Variants in ZNF516 observed in about 807,000 individuals in gnomAD.
ZNF516 encodes zinc finger protein 516.
Under a neutral mutation model 79.7 loss-of-function variants are expected in ZNF516, and 19 were observed. That is an observed-to-expected ratio of 0.24 (90% CI 0.17 to 0.35). The LOEUF (loss-of-function observed/expected upper bound fraction) is 0.35, where lower values mean the gene tolerates loss of function less well. ZNF516 is among the 10% of genes least tolerant of loss of function. The pLI is 1.00. For missense variants in ZNF516, 1,678 were observed against 1,679.5 expected (o/e 1.00, Z 0.02); for synonymous variants, 877 against 739.5 (o/e 1.19, Z -3.02).
In ZNF516 at chr18:76,473,485, G is replaced by A. The variant is rs925402424; in HGVS notation, c.-271-10344C>T. On this transcript the variant is annotated intron_variant, in intron 1 of 6. Coordinates refer to ENST00000443185, the MANE Select transcript of ZNF516 (RefSeq NM_014643.4). ...AAAAATATACCATTAAAAGTTTAAT[G>A]TGTGGTCAAAAAAGGCAATTAAACA... 4.6e-5 allele frequency among the ~76,000 whole-genome samples: 7 copies of A among 152,080 alleles called. No individual in the cohort carries two copies. In the South Asian group the frequency reaches 1.2e-3, roughly 27 times the overall value.
At position 76,424,303 on chromosome 18, in the gene ZNF516, T is replaced by C. The variant is rs689792; in HGVS notation, c.1810+16942A>G. 5.3e-3 allele frequency among the ~76,000 whole-genome samples: 83 copies of C among 15,668 alleles called. 23 individuals are homozygous for C. The highest frequency in any genetic ancestry group is 4.6e-3 in the Non-Finnish European group (40 of 8,718). The allele number at this position is 15,668 out of a possible 152,430, so 10.3% of individuals were successfully genotyped here. A position where few individuals can be genotyped will look rare whatever the true frequency, so the allele number is the denominator to read the frequency against. ...GGTGAAAAGGCTCCCCCGAAACACATGCAGGTGAAAAGGCTCCCCCGAAAC... is the reference window on the plus strand; with the variant it reads ...GGTGAAAAGGCTCCCCCGAAACACACGCAGGTGAAAAGGCTCCCCCGAAAC... On this transcript the variant is annotated intron_variant, in intron 3 of 6. Transcript: ENST00000443185.
At chr18:76,495,748 A>G (rs931323755), upstream of ZNF516, 1 of 1,169,600 alleles carries the variant, frequency 8.5e-7, no homozygotes, top group East Asian at 8.8e-5. Context: ...ACTGCGCCCC[A>G]TCTGGACTGA....
Position 76,480,529 on chromosome 18 carries a change from A to ATTTT in ZNF516, c.-272+14611_-272+14614dup, listed in dbSNP as rs1555720250. ...CACACACACACACACACACACATATATTTTTTTTTTTGAGACGGAGTCTTG... is the reference window on the plus strand; with the variant it reads ...CACACACACACACACACACACATATATTTTTTTTTTTTTTTGAGACGGAGTCTTG... On this transcript the variant is annotated intron_variant, in intron 1 of 6. Coordinates refer to ENST00000443185, the MANE Select transcript of ZNF516 (RefSeq NM_014643.4). Among the ~76,000 whole-genome samples the ATTTT allele has an allele frequency of 4.6e-4, 66 of 142,082 alleles. 1 individual carries two copies. Among genetic ancestry groups the ATTTT allele is most frequent in the African/African-American group, 1.7e-3 (65 of 38,138 alleles). The allele number at this position is 142,082 out of a possible 152,430, so 93.2% of individuals were successfully genotyped here.
intron 3 of ZNF516, among the ~76,000 whole-genome samples, chr18:76,391,291 C>A (rs899397870): frequency 6.6e-6 from 1 of 152,062 alleles, no homozygotes; most frequent in African/African-American, 2.4e-5. Context: ...AGCACAAACC[C>A]TAGCCATAGC....
At chr18:76,372,003 A>G (rs2144949746) in intron 4 of ZNF516, among the ~76,000 whole-genome samples, 1 of 152,254 alleles carries the variant, frequency 6.6e-6, no homozygotes, top group East Asian at 1.9e-4. Context: ...CCCGGCCGCG[A>G]TCCTGGGAGA....
chr18:76,485,681 A>G (rs889477455), intron 1 of ZNF516, among the ~76,000 whole-genome samples: 2 of 152,164 alleles, frequency 1.3e-5, no homozygotes, highest in African/African-American at 4.8e-5. Context: ...TTCCTGCAAC[A>G]TGGCATAAGA....
At position 76,371,479 on chromosome 18, in the gene ZNF516, G is replaced by A. The variant is rs374264106; in HGVS notation, c.3352C>T (p.Arg1118Trp). The A allele has an allele frequency of 9.3e-6, 15 of 1,607,548 alleles. No homozygotes were observed. The highest frequency in any genetic ancestry group is 1.7e-4 in the Middle Eastern group (1 of 6,060). ...HQPGHLRAHM[R>W]AHSVVFESDG... is the part of the protein sequence containing the mutation. Reference sequence around the variant, plus strand: ...GGGAGGGCGATACCTGAGTGTGCCCGCATGTGGGCCCTGAGGTGGCCGGGC... The same window carrying A: ...GGGAGGGCGATACCTGAGTGTGCCCACATGTGGGCCCTGAGGTGGCCGGGC... Residue 1118 changes from arginine (R) to tryptophan (W), a missense_variant, in exon 5 of 7, where the codon CGG becomes TGG. Arg to Trp is a moderately radical substitution (Grantham distance 101). Around this residue, in one of 5 missense-constraint regions of ZNF516, gnomAD observed 1,294 missense variants for 1,248.3 expected, o/e 1.04. Coordinates refer to ENST00000443185, the MANE Select transcript of ZNF516 (RefSeq NM_014643.4).
At chr18:76,362,837 A>T (rs2074558534) in intron 6 of ZNF516, among the ~76,000 whole-genome samples, 1 of 152,230 alleles carries the variant, frequency 6.6e-6, no homozygotes, top group African/African-American at 2.4e-5. Context: ...AGGCTTCTCT[A>T]ATGGTTTCAC....
intron 3 of ZNF516, among the ~76,000 whole-genome samples, chr18:76,425,674 G>A (rs2075583133): frequency 6.6e-6 from 1 of 152,220 alleles, no homozygotes. Flanking sequence ...ATGACCTAAT[G>A]CCCCGTGGTC....
chr18:76,433,413 G>A (rs1208841488), intron 3 of ZNF516, among the ~76,000 whole-genome samples: 1 of 152,236 alleles, frequency 6.6e-6, no homozygotes, highest in African/African-American at 2.4e-5. Flanking sequence ...GAGGATGCCT[G>A]ACGCAAGGCG....
chr18:76,495,122 T>TC (rs979303662), intron 1 of ZNF516, 22 bp downstream of exon 1: 2 of 143,790 alleles, frequency 1.4e-5, no homozygotes, highest in Non-Finnish European at 3.1e-5. Context: ...GGCGCAGCCC[T>TC]CCCCCCGCCC....
intron 3 of ZNF516, among the ~76,000 whole-genome samples, chr18:76,418,179 C>T (rs1199975410): frequency 3.3e-5 from 5 of 151,648 alleles, no homozygotes; most frequent in Non-Finnish European, 5.9e-5. Context: ...ACACACGCTG[C>T]AACACATGCT....
intron 1 of ZNF516, among the ~76,000 whole-genome samples, chr18:76,466,138 T>C (rs1179493612): frequency 6.6e-6 from 1 of 152,158 alleles, no homozygotes; most frequent in Non-Finnish European, 1.5e-5. Flanking sequence ...CTGGAAACCA[T>C]CACGTTCCCT....
intron 1 of ZNF516, among the ~76,000 whole-genome samples, chr18:76,488,691 C>T (rs1277905253): frequency 6.6e-6 from 1 of 152,154 alleles, no homozygotes; most frequent in African/African-American, 2.4e-5. Flanking sequence ...ATTTATAATG[C>T]AGATACCTAA....
chr18:76,459,353 CATT>C lies in ZNF516; in HGVS notation c.-158+3672_-158+3674del, dbSNP rs1320534251. On this transcript the variant is annotated intron_variant, in intron 2 of 6. Coordinates refer to ENST00000443185, the MANE Select transcript of ZNF516 (RefSeq NM_014643.4). This position sits in a 1 kb window ranked among gnomAD's most constrained non-coding sequence, Gnocchi z 5.0. ...CCCGTGGCCACCATCCACTCAACAT[CATT>C]GAGCCCTCCCACAGGCACCCAAGCT... 1.3e-5 allele frequency among the ~76,000 whole-genome samples: 2 copies of C among 152,210 alleles called. No homozygotes were observed. The highest frequency in any genetic ancestry group is 4.8e-5 in the African/African-American group (2 of 41,456).
intron 3 of ZNF516, among the ~76,000 whole-genome samples, chr18:76,429,063 C>T (rs186002813): frequency 1.5e-4 from 23 of 152,308 alleles, no homozygotes; most frequent in Non-Finnish European, 2.9e-4. Context: ...TTGCCTCCCC[C>T]TCTCCCTCCC....
chr18:76,449,670 T>C (rs1367233683), intron 2 of ZNF516, among the ~76,000 whole-genome samples: 1 of 152,230 alleles, frequency 6.6e-6, no homozygotes, highest in Non-Finnish European at 1.5e-5. Context: ...AGCCACAATG[T>C]TTACTACACT....
chr18:76,419,856 T>C (rs1375241298), intron 3 of ZNF516, among the ~76,000 whole-genome samples: 1 of 152,246 alleles, frequency 6.6e-6, no homozygotes, highest in Non-Finnish European at 1.5e-5. Flanking sequence ...TACAAGTTCA[T>C]GAGAACATAT....
chr18:76,442,136 T>G lies in ZNF516; in HGVS notation c.919A>C (p.Arg307=). ...ATGGGGTCCAGCTCACTCTTGGGCC[T>G]GTTCTTGCTGCCCGTCTTGGGGCCG... is the stretch of plus-strand genomic sequence containing the variant. ...AHGPKTGSKN[R]PKSELDPIAT... Residue 307 remains arginine, a synonymous_variant, in exon 3 of 7, where the codon AGG becomes CGG. Transcript: ENST00000443185. The G allele has an allele frequency of 6.2e-7, 1 of 1,613,988 alleles. No homozygotes were observed. The highest frequency in any genetic ancestry group is 8.5e-7 in the Non-Finnish European group (1 of 1,179,882).
Sources: allele counts gnomAD v4.1 joint callset (sites outside exome capture counted in the v4.1 genomes callset), GRCh38; gene constraint gnomAD v4.1.1; regional missense constraint gnomAD v4.1.1; non-coding constraint Gnocchi (gnomAD v3.1); transcripts MANE v1.5; gene names NCBI Gene and HGNC (gene_info 2026-07-23, HGNC 2026-07-21).